Variants in PCDHGB6 observed in about 807,000 individuals in gnomAD.
PCDHGB6 encodes protocadherin gamma-B6.
A neutral mutation model predicts 59.1 loss-of-function variants in PCDHGB6; 51 were observed. The observed-to-expected ratio is 0.86, with a 90% CI of 0.69 to 1.09. The LOEUF is 1.09. Ranked by LOEUF, PCDHGB6 falls within the 50% of genes least tolerant of loss-of-function variation. PCDHGB6 has a pLI of 0.00. For synonymous variants in PCDHGB6, 466 were observed against 495.1 expected (o/e 0.94, Z 0.78); for missense variants, 1,148 against 1,205.1 (o/e 0.95, Z 0.70).
chr5:141,422,422 T>TA, intron 1 of PCDHGB6: 1 of 1,607,804 alleles, frequency 6.2e-7, no homozygotes, highest in Non-Finnish European at 8.5e-7. Flanking sequence ...AGAAAAGACT[T>TA]ATGGAAATTA....
At chr5:141,415,066 C>A in intron 1 of PCDHGB6, 1 of 1,613,410 alleles carries the variant, frequency 6.2e-7, no homozygotes, top group Non-Finnish European at 8.5e-7. Flanking sequence ...GGGCGAGGTG[C>A]GCACGGCGCG....
In PCDHGB6 at chr5:141,486,005, A is replaced by G. The variant is rs1057476811; in HGVS notation, c.2419-8802A>G. On this transcript the variant is annotated intron_variant, in intron 1 of 3. Transcript: ENST00000520790. This position sits in a 1 kb window ranked among gnomAD's most constrained non-coding sequence, Gnocchi z 5.0. Reference sequence around the variant, plus strand: ...GGACCTGGGTCCCAGTGGTAACGTCACCTTTTATTTCAGTGGTCATACCCC... The same window carrying G: ...GGACCTGGGTCCCAGTGGTAACGTCGCCTTTTATTTCAGTGGTCATACCCC... 1.9e-6 allele frequency: 3 copies of G among 1,613,936 alleles called. No homozygotes were observed. The Admixed American group carries it at 5.0e-5, about 27-fold the overall frequency.
intron 1 of PCDHGB6, among the ~76,000 whole-genome samples, chr5:141,438,828 A>T (rs1364963084): frequency 6.7e-6 from 1 of 149,956 alleles, no homozygotes; most frequent in Non-Finnish European, 1.5e-5. Context: ...TGCCCAGCTA[A>T]TTTTTTAAAA....
At chr5:141,468,487 G>A (rs945439990) in intron 1 of PCDHGB6, 6 of 152,110 alleles carry the variant, frequency 3.9e-5, no homozygotes, top group African/African-American at 1.4e-4. Context: ...TAGGTCTCAT[G>A]GAAGATTTTC....
At chr5:141,492,241 C>T (rs1351937353) in intron 1 of PCDHGB6, among the ~76,000 whole-genome samples, 1 of 152,186 alleles carries the variant, frequency 6.6e-6, no homozygotes, top group African/African-American at 2.4e-5. Flanking sequence ...TGCTGGCCAC[C>T]CCCACGGCCC....
chr5:141,474,566 G>A (rs2154572064), intron 1 of PCDHGB6, among the ~76,000 whole-genome samples: 1 of 152,336 alleles, frequency 6.6e-6, no homozygotes, highest in Non-Finnish European at 1.5e-5. Flanking sequence ...GGTTTTCAGA[G>A]ATTAATTGAA....
At position 141,432,730 on chromosome 5, in the gene PCDHGB6, T is replaced by A; in HGVS notation, c.2418+22110T>A. 6.2e-7 allele frequency: 1 copy of A among 1,614,052 alleles called. No homozygotes were observed. Among genetic ancestry groups the A allele is most frequent in the Non-Finnish European group, 8.5e-7 (1 of 1,179,976 alleles). Reference sequence around the variant, plus strand: ...ACGGCCAGCCCCCTCTCTCCGCCACTGTCACGCTCACCGTGGCCGTGGCCG... The same window carrying A: ...ACGGCCAGCCCCCTCTCTCCGCCACAGTCACGCTCACCGTGGCCGTGGCCG... On this transcript the variant is annotated intron_variant, in intron 1 of 3. Transcript: ENST00000520790. The surrounding 1 kb of genome is among the most constrained non-coding windows in gnomAD (Gnocchi z 6.0).
At chr5:141,444,865 G>A (rs1038923777) in intron 1 of PCDHGB6, among the ~76,000 whole-genome samples, 1 of 152,098 alleles carries the variant, frequency 6.6e-6, no homozygotes, top group Non-Finnish European at 1.5e-5. Flanking sequence ...TCTTACTACA[G>A]GACAAAGCTT....
Position 141,427,920 on chromosome 5 carries a change from C to T in PCDHGB6, c.2418+17300C>T, listed in dbSNP as rs552823212. The T allele has an allele frequency of 3.8e-6, 6 of 1,579,506 alleles. No homozygotes were observed. In the African/African-American group the frequency reaches 4.0e-5, roughly 11 times the overall value. On this transcript the variant is annotated intron_variant, in intron 1 of 3. Transcript: ENST00000520790. The stretch of plus-strand genomic sequence containing the variant: ...GCCCGCGCTCAGCGCCAACATGAGC[C>T]GGCGCATGTTGGTGGGCGACCTCAA...
At chr5:141,429,387 T>TTA (rs775632416) in intron 1 of PCDHGB6, among the ~76,000 whole-genome samples, 40 of 151,448 alleles carry the variant, frequency 2.6e-4, no homozygotes, top group African/African-American at 7.0e-4. Context: ...GTTTTTTTTT[T>TTA]AAAAAAAATT....
chr5:141,474,321 A>G (rs75620387), intron 1 of PCDHGB6, among the ~76,000 whole-genome samples: 2,046 of 152,326 alleles, frequency 0.013, 15 homozygotes, highest in Middle Eastern at 0.034. Context: ...GTGTTTTCAA[A>G]TCACCCTGAT....
At chr5:141,494,902 C>A (rs2099757367) in intron 2 of PCDHGB6, 37 bp downstream of exon 2, 1 of 1,614,024 alleles carries the variant, frequency 6.2e-7, no homozygotes, top group East Asian at 2.2e-5. Context: ...CTCTTCTCTG[C>A]GGCATTTTCT....
chr5:141,496,766 CT>C (rs1361332988), intron 2 of PCDHGB6, among the ~76,000 whole-genome samples: 1 of 152,068 alleles, frequency 6.6e-6, no homozygotes, highest in Non-Finnish European at 1.5e-5. Context: ...TATCGAGCAT[CT>C]ACTATGAGCA....
chr5:141,501,789 C>T (rs367954511), intron 2 of PCDHGB6, among the ~76,000 whole-genome samples: 1 of 152,262 alleles, frequency 6.6e-6, no homozygotes, highest in South Asian at 2.1e-4. Context: ...TCTCCCTCTG[C>T]TCATCTCTTA....
chr5:141,440,960 A>C (rs1467379261), intron 1 of PCDHGB6: 2 of 152,248 alleles, frequency 1.3e-5, no homozygotes, highest in Non-Finnish European at 2.9e-5. Flanking sequence ...CAAGGCAGAG[A>C]TCACATATGG....
rs986276637 is a variant in PCDHGB6, at chr5:141,487,728, C to A, written c.2419-7079C>A. The A allele has an allele frequency of 3.2e-6, 5 of 1,570,444 alleles. No individual in the cohort carries two copies. The highest frequency in any genetic ancestry group is 2.3e-5 in the East Asian group (1 of 42,866). On this transcript the variant is annotated intron_variant, in intron 1 of 3. Transcript: ENST00000520790. The surrounding 1 kb of genome is among the most constrained non-coding windows in gnomAD (Gnocchi z 5.0). ...TCAGTAAGTGCCCATAGTGATGTCACCATTTTTGTAAGAGGTAACTATGTG... is the reference window on the plus strand; with the variant it reads ...TCAGTAAGTGCCCATAGTGATGTCAACATTTTTGTAAGAGGTAACTATGTG...
Position 141,489,600 on chromosome 5 carries a change from G to A in PCDHGB6, c.2419-5207G>A, listed in dbSNP as rs1407225048. 8.1e-6 allele frequency: 13 copies of A among 1,614,034 alleles called. No homozygotes were observed. Among genetic ancestry groups the A allele is most frequent in the Non-Finnish European group, 1.1e-5 (13 of 1,179,962 alleles). ...ACCCCCTGGAGCTAATCCGTGTAGA[G>A]GTAGAGATCCTGGATCTCAATGACA... On this transcript the variant is annotated intron_variant, in intron 1 of 3. Transcript: ENST00000520790. This position sits in a 1 kb window ranked among gnomAD's most constrained non-coding sequence, Gnocchi z 4.5.
intron 1 of PCDHGB6, chr5:141,414,713 C>T: frequency 6.2e-7 from 1 of 1,614,126 alleles, no homozygotes; most frequent in Admixed American, 1.7e-5. Context: ...TCCATCAACT[C>T]AGACACTGGC....
Position 141,477,931 on chromosome 5 carries a change from G to T in PCDHGB6, c.2419-16876G>T. 6.2e-7 allele frequency: 1 copy of T among 1,614,138 alleles called. No homozygotes were observed. Among genetic ancestry groups the T allele is most frequent in the Non-Finnish European group, 8.5e-7 (1 of 1,180,040 alleles). ...ACGCGGATGCAGGGCACAATGCCTG[G>T]CTCTCCTACAGTCTCTTGGGATCCC... On this transcript the variant is annotated intron_variant, in intron 1 of 3. Coordinates refer to ENST00000520790, the MANE Select transcript of PCDHGB6 (RefSeq NM_018926.3). This position sits in a 1 kb window ranked among gnomAD's most constrained non-coding sequence, Gnocchi z 4.9.
Sources: allele counts gnomAD v4.1 joint callset (sites outside exome capture counted in the v4.1 genomes callset), GRCh38; gene constraint gnomAD v4.1.1; non-coding constraint Gnocchi (gnomAD v3.1); transcripts MANE v1.5; gene names NCBI Gene and HGNC (gene_info 2026-07-23, HGNC 2026-07-21).